Variants in CEP128 observed in about 807,000 individuals in gnomAD.
The protein encoded by CEP128 is centrosomal protein 128, also known as centrosomal protein 128kDa.
CEP128 carries 132 observed loss-of-function variants against 156.7 expected under a neutral mutation model. The observed-to-expected ratio is 0.84, with a 90% CI of 0.73 to 0.97. The LOEUF (loss-of-function observed/expected upper bound fraction) is 0.97, where lower values mean the gene tolerates loss of function less well. Ranked by LOEUF, CEP128 falls within the 50% of genes least tolerant of loss-of-function variation. The pLI is 0.00. For synonymous variants in CEP128, 469 were observed against 448.9 expected (o/e 1.04, Z -0.57); for missense variants, 1,252 against 1,281.9 (o/e 0.98, Z 0.36).
rs1898261497 is a variant in CEP128, at chr14:80,731,325, T to A, written c.2806+11750A>T. Among the ~76,000 whole-genome samples the A allele has an allele frequency of 2.0e-5, 3 of 152,118 alleles. No homozygotes were observed. In the South Asian group the frequency reaches 6.2e-4, roughly 32 times the overall value. On this transcript the variant is annotated intron_variant, in intron 19 of 24. Coordinates refer to ENST00000555265, the MANE Select transcript of CEP128 (RefSeq NM_152446.5). The stretch of plus-strand genomic sequence containing the variant: ...TCCTGGAGAAATAACCTGCCCCCAC[T>A]TCCCTCCCAGCCTAAGCTGCCTCAA...
At chr14:80,517,647 T>C (rs530306367) in intron 23 of CEP128, among the ~76,000 whole-genome samples, 277 of 152,228 alleles carry the variant, frequency 1.8e-3, no homozygotes, top group African/African-American at 6.1e-3. Context: ...TTACTGGGGG[T>C]CCTTGTTCTT....
At chr14:80,481,953 C>T (rs1260245975) in intron 14 of CEP128, among the ~76,000 whole-genome samples, 1 of 152,126 alleles carries the variant, frequency 6.6e-6, no homozygotes, top group Non-Finnish European at 1.5e-5. Context: ...GACTTAATAC[C>T]TAGGAACTTC....
intron 8 of CEP128, among the ~76,000 whole-genome samples, chr14:80,885,546 A>C (rs1888756199): frequency 6.6e-6 from 1 of 152,196 alleles, no homozygotes; most frequent in Non-Finnish European, 1.5e-5. Flanking sequence ...TCTGACTGTG[A>C]GAAGGAAAAC....
At chr14:80,556,972 C>A (rs1890464186) in intron 21 of CEP128, among the ~76,000 whole-genome samples, 1 of 152,118 alleles carries the variant, frequency 6.6e-6, no homozygotes, top group South Asian at 2.1e-4. Flanking sequence ...AATATTTGAT[C>A]GTTAGCACTA....
At chr14:80,483,120 C>T (rs1887089813) in intron 14 of CEP128, among the ~76,000 whole-genome samples, 1 of 152,186 alleles carries the variant, frequency 6.6e-6, no homozygotes, top group Admixed American at 6.5e-5. Flanking sequence ...TGTTATTTAT[C>T]ATTATGAGTC....
At chr14:80,611,696 T>G (rs527691082) in intron 19 of CEP128, among the ~76,000 whole-genome samples, 4 of 152,200 alleles carry the variant, frequency 2.6e-5, no homozygotes, top group Non-Finnish European at 5.9e-5. Flanking sequence ...ACTCTAAGTA[T>G]TCCCAAAGTT....
chr14:80,526,384 A>G (rs1888975692), intron 23 of CEP128, among the ~76,000 whole-genome samples: 1 of 152,142 alleles, frequency 6.6e-6, no homozygotes, highest in South Asian at 2.1e-4. Context: ...AAGTCTTCCC[A>G]GTGTCCTGTG....
intron 19 of CEP128, among the ~76,000 whole-genome samples, chr14:80,622,143 A>T (rs948274359): frequency 6.6e-6 from 1 of 152,158 alleles, no homozygotes; most frequent in African/African-American, 2.4e-5. Context: ...GGCTTTCTGG[A>T]GCTGTTTTTA....
chr14:80,802,331 T>C (rs1005822551), intron 13 of CEP128, among the ~76,000 whole-genome samples: 5 of 152,104 alleles, frequency 3.3e-5, no homozygotes, highest in African/African-American at 9.7e-5. Flanking sequence ...ATATGGTATA[T>C]ATACATCATG....
chr14:80,524,623 C>G (rs1888895893), intron 23 of CEP128, among the ~76,000 whole-genome samples: 1 of 152,028 alleles, frequency 6.6e-6, no homozygotes, highest in African/African-American at 2.4e-5. Context: ...CTACAATTGG[C>G]AAAAATGTGT....
intron 19 of CEP128, among the ~76,000 whole-genome samples, chr14:80,690,182 G>A (rs964059883): frequency 6.0e-5 from 9 of 150,960 alleles, no homozygotes; most frequent in East Asian, 3.9e-4. Context: ...TGAGGTGGGC[G>A]GATCACCTGA....
At chr14:80,874,478 A>G (rs554349218) in intron 8 of CEP128, among the ~76,000 whole-genome samples, 39 of 152,160 alleles carry the variant, frequency 2.6e-4, no homozygotes, top group African/African-American at 7.7e-4. Flanking sequence ...TCCAAAAAAA[A>G]AAAGAAAGAA....
intron 13 of CEP128, among the ~76,000 whole-genome samples, chr14:80,801,001 G>A (rs912500151): frequency 1.3e-5 from 2 of 152,132 alleles, no homozygotes; most frequent in Non-Finnish European, 2.9e-5. Context: ...GAAAGGAAAC[G>A]AACATTCACT....
In CEP128 at chr14:80,647,126, T is replaced by TAC. The variant is rs1303390846; in HGVS notation, c.2807-66705_2807-66704dup. Among the ~76,000 whole-genome samples the TAC allele has an allele frequency of 5.3e-3, 471 of 88,072 alleles. 53 individuals carry two copies. Among genetic ancestry groups the TAC allele is most frequent in the South Asian group, 0.025 (50 of 2,026 alleles). The allele number at this position is 88,072 out of a possible 152,430, so 57.8% of individuals were successfully genotyped here. A position where few individuals can be genotyped will look rare whatever the true frequency, so the allele number is the denominator to read the frequency against. ...ACACATACACACACACACACACACA[T>TAC]ACACACACACACACACACACACTGC... is the stretch of plus-strand genomic sequence containing the variant. On this transcript the variant is annotated intron_variant, in intron 19 of 24. Transcript: ENST00000555265.
intron 11 of CEP128, among the ~76,000 whole-genome samples, chr14:80,837,465 T>TTA (rs565773642): frequency 0.065 from 9,852 of 152,116 alleles, 1,048 homozygotes; most frequent in African/African-American, 0.23. Flanking sequence ...ACACCTATAA[T>TTA]CCCAGCACTT....
At chr14:80,497,842 A>G (rs1887561189) in intron 24 of CEP128, among the ~76,000 whole-genome samples, 1 of 152,214 alleles carries the variant, frequency 6.6e-6, no homozygotes, top group African/African-American at 2.4e-5. Context: ...GTCAGGATAC[A>G]ATGATATAAA....
At chr14:80,654,137 T>C (rs1595158152) in intron 19 of CEP128, among the ~76,000 whole-genome samples, 2 of 152,244 alleles carry the variant, frequency 1.3e-5, no homozygotes, top group East Asian at 3.9e-4. Context: ...AGATAGGCAT[T>C]TGTGACTCGT....
chr14:80,939,651 T>C (rs1886038577), intron 1 of CEP128, 111 bp from the exon 2 acceptor site: 2 of 152,210 alleles, frequency 1.3e-5, no homozygotes, highest in South Asian at 4.1e-4. Context: ...TAACACAGAA[T>C]AGAGAAAATG....
intron 19 of CEP128, among the ~76,000 whole-genome samples, chr14:80,611,713 T>C (rs1449598759): frequency 2.0e-5 from 3 of 152,124 alleles, no homozygotes; most frequent in African/African-American, 7.2e-5. Context: ...AGTTAAATGA[T>C]AAAGAATATT....
Sources: allele counts gnomAD v4.1 joint callset (sites outside exome capture counted in the v4.1 genomes callset), GRCh38; gene constraint gnomAD v4.1.1; transcripts MANE v1.5; gene names NCBI Gene and HGNC (gene_info 2026-07-23, HGNC 2026-07-21).